Variants in WFDC3 observed in about 807,000 individuals in gnomAD.
WFDC3 encodes WAP four-disulfide core domain 3.
In WFDC3, 15 loss-of-function variants were observed where a neutral mutation model predicts 25.8. The ratio of observed to expected loss-of-function variants is 0.58; its 90% confidence interval spans 0.39 to 0.89. WFDC3 has a LOEUF of 0.89. Among genes scored for constraint, WFDC3 ranks in the 40% least tolerant of loss-of-function variants. The pLI is 0.00. For missense variants in WFDC3, 264 were observed against 289.8 expected, an observed-to-expected ratio of 0.91 and a Z score of 0.65; for synonymous variants, 103 against 107.1, an observed-to-expected ratio of 0.96 and a Z score of 0.24.
At chr20:45,783,068 A>T (rs535620915) in intron 4 of WFDC3, among the ~76,000 whole-genome samples, 5 of 85,584 alleles carry the variant, frequency 5.8e-5, no homozygotes, top group Non-Finnish European at 1.1e-4. Flanking sequence ...CCTGTCTGTC[A>T]CACTATATGA....
intron 3 of WFDC3, 52 bp downstream of exon 3, chr20:45,788,879 C>A: frequency 1.3e-6 from 2 of 1,563,298 alleles, no homozygotes; most frequent in Non-Finnish European, 8.6e-7. Context: ...CCATCTATCC[C>A]AGAGGCAATG....
intron 4 of WFDC3, 142 bp downstream of exon 4, chr20:45,787,694 C>T (rs1033317407): frequency 8.7e-7 from 1 of 1,155,164 alleles, no homozygotes; most frequent in Non-Finnish European, 1.2e-6. Context: ...ATGATTATGG[C>T]TTGTGCACCC....
intron 4 of WFDC3, among the ~76,000 whole-genome samples, chr20:45,781,895 C>T (rs769060634): frequency 2.6e-5 from 4 of 152,200 alleles, no homozygotes; most frequent in Non-Finnish European, 5.9e-5. Flanking sequence ...TGCCAGCAAG[C>T]CTTTTTAAGA....
rs774986590 is a variant in WFDC3 at position 45,775,456 on chromosome 20, T to C, written c.640A>G (p.Met214Val). ...VPPVLPPKLT[M>V]NPNWTVRSDS... ...GACCTCACAGTCCAGTTGGGGTTCA[T>C]GGTCAGTTTTGGGGGCAGGACTGGT... The change falls in exon 6 of 7, where the codon ATG becomes GTG. Residue 214 changes from methionine to valine, a missense_variant. By Grantham distance (21) the Met-to-Val change is conservative. Transcript: ENST00000243938. 3 of 1,614,238 alleles carry C rather than the reference T, an allele frequency of 1.9e-6. No individual in the cohort carries two copies. Among genetic ancestry groups the C allele is most frequent in the African/African-American group, 1.3e-5 (1 of 75,068 alleles).
chr20:45,783,765 T>C (rs1318863855), intron 4 of WFDC3, among the ~76,000 whole-genome samples: 1 of 152,058 alleles, frequency 6.6e-6, no homozygotes, highest in Non-Finnish European at 1.5e-5. Context: ...CCTCTGGCAA[T>C]GTCAGAGCTT....
intron 5 of WFDC3, among the ~76,000 whole-genome samples, chr20:45,776,597 C>CAA (rs1226620611): frequency 7.8e-5 from 1 of 12,862 alleles, no homozygotes; most frequent in Non-Finnish European, 1.5e-4. Flanking sequence ...GACTCTGTCT[C>CAA]AAAAAAAAAA....
At chr20:45,783,656 A>G (rs1181115486) in intron 4 of WFDC3, among the ~76,000 whole-genome samples, 2 of 151,952 alleles carry the variant, frequency 1.3e-5, no homozygotes, top group African/African-American at 4.8e-5. Context: ...TTCAGACTAG[A>G]ACAGTGTCAT....
chr20:45,790,055 G>C, intron 1 of WFDC3, 73 bp from the exon 2 acceptor site: 1 of 1,227,286 alleles, frequency 8.1e-7, no homozygotes, highest in Middle Eastern at 2.1e-4. Context: ...TGAGGTATGA[G>C]CAGGACTAGG....
intron 1 of WFDC3, 54 bp downstream of exon 1, chr20:45,791,778 T>C: frequency 2.6e-6 from 1 of 378,348 alleles, no homozygotes; most frequent in Non-Finnish European, 4.7e-6. Context: ...ACACCCACAC[T>C]GCACAATCGA....
intron 6 of WFDC3, among the ~76,000 whole-genome samples, chr20:45,775,007 C>T (rs535465620): frequency 1.3e-5 from 2 of 151,978 alleles, no homozygotes; most frequent in South Asian, 4.2e-4. Context: ...CCACTCCTCA[C>T]CTCCCAAACA....
Position 45,775,607 on chromosome 20 carries a change from G to A in WFDC3, c.494-5C>T. Reference sequence around the variant, plus strand: ...TTGGACAATCACCGCCCCGCCCTGTGGGAACAACAGGCACAGGAAAAGGGA... The same window carrying A: ...TTGGACAATCACCGCCCCGCCCTGTAGGAACAACAGGCACAGGAAAAGGGA... On this transcript the variant is annotated splice_region_variant and splice_polypyrimidine_tract_variant and intron_variant, in intron 5 of 6. Coordinates refer to ENST00000243938, the MANE Select transcript of WFDC3 (RefSeq NM_080614.2). The A allele has an allele frequency of 6.2e-7, 1 of 1,613,936 alleles. No individual in the cohort carries two copies. The highest frequency in any genetic ancestry group is 8.5e-7 in the Non-Finnish European group (1 of 1,179,892).
At chr20:45,775,185 G>C (rs1341278101) in intron 6 of WFDC3, among the ~76,000 whole-genome samples, 2 of 152,000 alleles carry the variant, frequency 1.3e-5, no homozygotes. Context: ...CCTGGGAACA[G>C]GTGTAAGCCT....
intron 4 of WFDC3, among the ~76,000 whole-genome samples, chr20:45,783,908 T>A (rs1049667592): frequency 2.0e-5 from 3 of 152,166 alleles, no homozygotes; most frequent in African/African-American, 7.2e-5. Context: ...TAACTACCAA[T>A]GCAGTAGCCA....
At position 45,776,972 on chromosome 20, in the gene WFDC3, G is replaced by A. The variant is rs557402583; in HGVS notation, c.493+103C>T. The stretch of plus-strand genomic sequence containing the variant: ...TGGGTTGCTTTGGGTTGGGGGACCA[G>A]AGGGACAGGAAGGATGAGAATCCTA... On this transcript the variant is annotated intron_variant, in intron 5 of 6. Coordinates refer to ENST00000243938, the MANE Select transcript of WFDC3 (RefSeq NM_080614.2). 8 of 1,586,882 alleles carry A rather than the reference G, an allele frequency of 5.0e-6. 1 individual carries two copies. In the South Asian group the frequency reaches 8.9e-5, roughly 18 times the overall value.
At chr20:45,781,088 A>T (rs1351479834) in intron 4 of WFDC3, among the ~76,000 whole-genome samples, 1 of 151,364 alleles carries the variant, frequency 6.6e-6, no homozygotes, top group Middle Eastern at 3.2e-3. Context: ...AAAAATACAA[A>T]AAAAAAAAAA....
chr20:45,790,000 A>G lies in WFDC3; in HGVS notation c.-7-18T>C, dbSNP rs768414095. On this transcript the variant is annotated intron_variant, in intron 1 of 6. Transcript: ENST00000243938. ...TGATGATGCTGAGAGTTGGGACAAG[A>G]GCTCAGTTCAGGCTAGAGGTGTACA... 1 of 1,604,528 alleles carries G rather than the reference A, an allele frequency of 6.2e-7. No individual in the cohort carries two copies. The highest frequency in any genetic ancestry group is 8.5e-7 in the Non-Finnish European group (1 of 1,171,396).
chr20:45,774,506 T>C, intron 6 of WFDC3, 62 bp from the exon 7 acceptor site: 1 of 1,612,702 alleles, frequency 6.2e-7, no homozygotes, highest in East Asian at 2.2e-5. Flanking sequence ...ACCTGAAATG[T>C]TTTCCCTCCA....
chr20:45,791,759 C>T (rs1568703179), intron 1 of WFDC3, 73 bp downstream of exon 1: 4 of 367,000 alleles, frequency 1.1e-5, no homozygotes, highest in African/African-American at 8.4e-5. Context: ...TTGACTGAAC[C>T]GCCACTGAAC....
At chr20:45,775,286 A>T in intron 6 of WFDC3, 131 bp downstream of exon 6, 1 of 1,294,486 alleles carries the variant, frequency 7.7e-7, no homozygotes, top group Non-Finnish European at 1.1e-6. Flanking sequence ...GAGGGTTTTC[A>T]TCTGGGACAT....
Sources: gnomAD v4.1 joint callset for allele counts (sites outside exome capture counted in the v4.1 genomes callset) on GRCh38, gnomAD v4.1.1 for gene constraint, MANE v1.5 for transcripts, NCBI Gene and HGNC (gene_info 2026-07-23, HGNC 2026-07-21) for gene names.